The following ZNF280D variants were observed in gnomAD, a reference collection of about 807,000 sequenced individuals.
ZNF280D encodes the protein suppressor of hairy wing homolog 4.
Under a neutral mutation model 94.7 loss-of-function variants are expected in ZNF280D, and 39 were observed. The observed-to-expected ratio is 0.41, with a 90% CI of 0.32 to 0.54. The LOEUF is 0.54. Ranked by LOEUF, ZNF280D falls within the 20% of genes least tolerant of loss-of-function variation. ZNF280D has a pLI of 0.22. For missense variants in ZNF280D, 1,090 were observed against 1,149.3 expected (o/e 0.95, Z 0.75); for synonymous variants, 398 against 377.6 (o/e 1.05, Z -0.63).
At chr15:56,656,884 G>A (rs1221818484) in intron 17 of ZNF280D, among the ~76,000 whole-genome samples, 2 of 152,190 alleles carry the variant, frequency 1.3e-5, no homozygotes, top group Non-Finnish European at 2.9e-5. Flanking sequence ...AGAGGATACA[G>A]TTTTAAATTT....
intron 10 of ZNF280D, 28 bp from the exon 11 acceptor site, chr15:56,678,849 A>G: frequency 6.8e-7 from 1 of 1,468,024 alleles, no homozygotes; most frequent in Non-Finnish European, 9.1e-7. Flanking sequence ...CAGGTGCAAA[A>G]CTTGAGATTT....
At chr15:56,664,192 C>G (rs1463797813) in intron 16 of ZNF280D, among the ~76,000 whole-genome samples, 1 of 152,012 alleles carries the variant, frequency 6.6e-6, no homozygotes, top group Admixed American at 6.6e-5. Flanking sequence ...AACAGATAAT[C>G]TTTAAAAGAG....
chr15:56,710,693 T>C (rs185909312), intron 1 of ZNF280D, among the ~76,000 whole-genome samples: 5 of 152,198 alleles, frequency 3.3e-5, no homozygotes, highest in African/African-American at 1.2e-4. Context: ...GAAATGTGGG[T>C]CTAAGTGTTT....
Position 56,707,270 on chromosome 15 carries a change from C to G in ZNF280D, c.-49G>C, listed in dbSNP as rs1325806174. ...GTTAACCTCTAAACTCACCATGTGACTCCAGACAAGCCAGCAAGTTATTTC... is the reference window on the plus strand; with the variant it reads ...GTTAACCTCTAAACTCACCATGTGAGTCCAGACAAGCCAGCAAGTTATTTC... On this transcript the variant is annotated 5_prime_UTR_variant, in exon 2 of 22. Transcript: ENST00000267807. 3 of 1,541,506 alleles carry G rather than the reference C, an allele frequency of 1.9e-6. No homozygotes were observed. The highest frequency in any genetic ancestry group is 2.6e-6 in the Non-Finnish European group (3 of 1,146,804).
intron 11 of ZNF280D, 32 bp from the exon 12 acceptor site, chr15:56,677,706 T>TC: frequency 6.5e-6 from 6 of 917,168 alleles, no homozygotes; most frequent in Non-Finnish European, 7.6e-6. Context: ...TATAATAATA[T>TC]TTAAGATATT....
chr15:56,700,360 G>A (rs144474019), intron 6 of ZNF280D: 4 of 453,310 alleles, frequency 8.8e-6, no homozygotes, highest in East Asian at 3.1e-4. Context: ...TTTACTTCAT[G>A]GGGATGTTTA....
At position 56,689,434 on chromosome 15, in the gene ZNF280D, G is replaced by A. The variant is rs751965315; in HGVS notation, c.536C>T (p.Ser179Phe). The change falls in exon 8 of 22, where the codon TCT becomes TTT. Residue 179 changes from serine (S) to phenylalanine (F), a missense_variant. Around this residue, in one of 3 missense-constraint regions of ZNF280D, gnomAD observed 386 missense variants for 372.0 expected, o/e 1.04. Transcript: ENST00000267807. ...ATTAACATTATTTACTTCAGAAGTAGAAGGACGTTTTGATAAAAATGAACT... is the reference window on the plus strand; with the variant it reads ...ATTAACATTATTTACTTCAGAAGTAAAAGGACGTTTTGATAAAAATGAACT... ...SESSFLSKRP[S>F]TSEVNNVNPK... 6.4e-7 allele frequency: 1 copy of A among 1,571,772 alleles called. No homozygotes were observed. Among genetic ancestry groups the A allele is most frequent in the South Asian group, 1.2e-5 (1 of 80,474 alleles).
intron 20 of ZNF280D, among the ~76,000 whole-genome samples, chr15:56,642,118 C>T (rs1165604621): frequency 6.6e-6 from 1 of 151,398 alleles, no homozygotes; most frequent in Non-Finnish European, 1.5e-5. Context: ...GTAAAATGAA[C>T]CCATTCCTCA....
intron 10 of ZNF280D, among the ~76,000 whole-genome samples, chr15:56,681,889 C>CA (rs1215870282): frequency 6.6e-6 from 1 of 152,042 alleles, no homozygotes; most frequent in African/African-American, 2.4e-5. Flanking sequence ...TGAACAAACA[C>CA]AGAGTGGTTC....
At chr15:56,724,702 G>A (rs745791307) in intron 1 of ZNF280D, 16 of 239,272 alleles carry the variant, frequency 6.7e-5, no homozygotes, top group Non-Finnish European at 1.3e-4. Context: ...GATGGAATAC[G>A]GTAACTGTGA....
Position 56,707,581 on chromosome 15 carries a change from T to C in ZNF280D, c.-85-275A>G, listed in dbSNP as rs190909777. 6.2e-4 allele frequency among the ~76,000 whole-genome samples: 95 copies of C among 152,284 alleles called. 1 individual carries two copies. Among genetic ancestry groups the C allele is most frequent in the Middle Eastern group, 6.8e-3 (2 of 294 alleles). ...GTAAAAACGAGTAAACACCTTACAA[T>C]GTACTGGTTTTGGAAATCTAACTTT... is the stretch of plus-strand genomic sequence containing the variant. On this transcript the variant is annotated intron_variant, in intron 1 of 21. Coordinates refer to ENST00000267807, the MANE Select transcript of ZNF280D (RefSeq NM_017661.4).
chr15:56,643,619 A>T (rs2052733592), intron 19 of ZNF280D, among the ~76,000 whole-genome samples: 1 of 151,876 alleles, frequency 6.6e-6, no homozygotes, highest in Non-Finnish European at 1.5e-5. Flanking sequence ...ACAAAGGTAT[A>T]TGCCATCCAG....
At chr15:56,728,813 T>C (rs2058750174) in intron 1 of ZNF280D, among the ~76,000 whole-genome samples, 1 of 152,172 alleles carries the variant, frequency 6.6e-6, no homozygotes, top group African/African-American at 2.4e-5. Flanking sequence ...CAGTACTCAA[T>C]AAATTACATG....
intron 1 of ZNF280D, among the ~76,000 whole-genome samples, chr15:56,716,715 A>T (rs1442818815): frequency 1.3e-5 from 2 of 152,000 alleles, no homozygotes; most frequent in African/African-American, 4.8e-5. Flanking sequence ...ATTAAATCAG[A>T]GAGAAGACTA....
At chr15:56,708,982 G>C (rs1359553214) in intron 1 of ZNF280D, among the ~76,000 whole-genome samples, 1 of 152,008 alleles carries the variant, frequency 6.6e-6, no homozygotes, top group African/African-American at 2.4e-5. Flanking sequence ...CAAAAGCAAC[G>C]GCAACAAAAG....
intron 1 of ZNF280D, among the ~76,000 whole-genome samples, chr15:56,720,346 T>C (rs2058289126): frequency 6.6e-6 from 1 of 152,304 alleles, no homozygotes; most frequent in East Asian, 1.9e-4. Context: ...TTACAGCACT[T>C]AGTCACATCT....
chr15:56,729,303 A>G (rs1451492904), intron 1 of ZNF280D, among the ~76,000 whole-genome samples: 5 of 152,238 alleles, frequency 3.3e-5, no homozygotes, highest in Admixed American at 2.6e-4. Flanking sequence ...TGAATATCAC[A>G]CAGCATCAAA....
At chr15:56,668,197 C>T (rs772492703) in intron 14 of ZNF280D, 63 of 453,496 alleles carry the variant, frequency 1.4e-4, no homozygotes, top group South Asian at 9.8e-4. Flanking sequence ...TTTGGATTAT[C>T]CATGCCTCTG....
intron 9 of ZNF280D, among the ~76,000 whole-genome samples, chr15:56,682,732 C>T (rs1249879923): frequency 6.6e-6 from 1 of 151,926 alleles, no homozygotes; most frequent in Admixed American, 6.6e-5. Context: ...GGCCATAGCT[C>T]TAACAGCTTT....
Sources: allele counts gnomAD v4.1 joint callset (sites outside exome capture counted in the v4.1 genomes callset), GRCh38; gene constraint gnomAD v4.1.1; regional missense constraint gnomAD v4.1.1; transcripts MANE v1.5; gene names NCBI Gene and HGNC (gene_info 2026-07-23, HGNC 2026-07-21).